SCARA5: variants seen among roughly 807,000 people sequenced by gnomAD.
The protein encoded by SCARA5 is scavenger receptor class A, member 5 (putative).
Under a neutral mutation model 46.3 loss-of-function variants are expected in SCARA5, and 45 were observed. That is an observed-to-expected ratio of 0.97 (90% CI 0.76 to 1.24). The LOEUF is 1.24. Among genes scored for constraint, SCARA5 ranks in the 50% most tolerant of loss-of-function variants. SCARA5 has a pLI of 0.00. For missense variants in SCARA5, 680 were observed against 689.0 expected, an observed-to-expected ratio of 0.99 and a Z score of 0.15; for synonymous variants, 333 against 306.5, an observed-to-expected ratio of 1.09 and a Z score of -0.90.
intron 2 of SCARA5, 143 bp downstream of exon 2, chr8:27,987,361 T>C (rs1808719475): frequency 1.5e-6 from 1 of 645,876 alleles, no homozygotes; most frequent in South Asian, 1.8e-5. Flanking sequence ...GAAGACCTTT[T>C]AAAGCATAAA....
intron 3 of SCARA5, among the ~76,000 whole-genome samples, chr8:27,948,266 C>T (rs2726951): frequency 0.23 from 33,768 of 149,370 alleles, 3,958 homozygotes; most frequent in Non-Finnish European, 0.26. Flanking sequence ...AGGGCGGTGA[C>T]TTAGGGGAGG....
At chr8:27,904,045 A>C (rs536924477) in intron 7 of SCARA5, among the ~76,000 whole-genome samples, 2 of 152,176 alleles carry the variant, frequency 1.3e-5, no homozygotes, top group Admixed American at 1.3e-4. Flanking sequence ...TCTAGGGGAA[A>C]AGTAAACCTT....
intron 3 of SCARA5, among the ~76,000 whole-genome samples, chr8:27,956,037 T>C (rs1370164594): frequency 6.6e-6 from 1 of 152,202 alleles, no homozygotes; most frequent in Non-Finnish European, 1.5e-5. Flanking sequence ...TTTGAGATGA[T>C]GTTTGTTAAA....
chr8:27,967,870 G>A (rs1014039020), intron 2 of SCARA5, among the ~76,000 whole-genome samples: 15 of 152,238 alleles, frequency 9.9e-5, no homozygotes, highest in African/African-American at 1.7e-4. Flanking sequence ...CTGAGATCAC[G>A]CCACTGCACT....
intron 7 of SCARA5, among the ~76,000 whole-genome samples, chr8:27,893,169 A>G (rs1340367915): frequency 6.6e-6 from 1 of 152,142 alleles, no homozygotes; most frequent in Non-Finnish European, 1.5e-5. Context: ...CCTGAATTGA[A>G]TGAGTCTCCT....
chr8:27,967,681 G>C (rs1016821461), intron 2 of SCARA5, among the ~76,000 whole-genome samples: 3 of 152,214 alleles, frequency 2.0e-5, no homozygotes, highest in African/African-American at 7.2e-5. Flanking sequence ...GGGAGGCCAA[G>C]GTGGGTGGAT....
chr8:27,886,953 G>C (rs952311408), intron 7 of SCARA5, among the ~76,000 whole-genome samples: 3 of 152,220 alleles, frequency 2.0e-5, no homozygotes, highest in African/African-American at 7.2e-5. Flanking sequence ...GGTCCCTGCA[G>C]GGGGAACGGG....
chr8:27,974,407 CT>C (rs1808492616), intron 2 of SCARA5, among the ~76,000 whole-genome samples: 1 of 152,034 alleles, frequency 6.6e-6, no homozygotes, highest in African/African-American at 2.4e-5. Context: ...CAAATTGGAT[CT>C]GATAAAAATG....
chr8:27,880,394 A>G (rs1379911169), intron 7 of SCARA5, among the ~76,000 whole-genome samples: 1 of 109,192 alleles, frequency 9.2e-6, no homozygotes, highest in Non-Finnish European at 1.8e-5. Context: ...CTGTACAGGA[A>G]AAAAAAAAAA....
At chr8:27,934,249 G>A (rs10104217) in intron 3 of SCARA5, among the ~76,000 whole-genome samples, 82,687 of 151,972 alleles carry the variant, frequency 0.54, 23,439 homozygotes, top group Middle Eastern at 0.72. Context: ...GCCTGCAGAA[G>A]AAAGGAAGGG....
intron 4 of SCARA5, among the ~76,000 whole-genome samples, chr8:27,915,664 C>A (rs891830496): frequency 6.6e-6 from 1 of 152,220 alleles, no homozygotes; most frequent in African/African-American, 2.4e-5. Context: ...AGCCCACAGA[C>A]AAATCTGCTT....
intron 3 of SCARA5, among the ~76,000 whole-genome samples, chr8:27,928,610 G>T (rs1807718081): frequency 6.6e-6 from 1 of 151,924 alleles, no homozygotes; most frequent in Non-Finnish European, 1.5e-5. Context: ...CTGCTGAAAG[G>T]GTGGACACGG....
At chr8:27,918,658 A>G (rs112429931) in intron 4 of SCARA5, among the ~76,000 whole-genome samples, 1 of 2,364 alleles carries the variant, frequency 4.2e-4, no homozygotes, top group East Asian at 0.017. Flanking sequence ...AGGAAAAGGA[A>G]GATGAGGAGG....
Position 27,965,683 on chromosome 8 carries a change from G to A in SCARA5, c.241+731C>T, listed in dbSNP as rs17058368. 9.7e-3 allele frequency among the ~76,000 whole-genome samples: 1,472 copies of A among 152,344 alleles called. 26 individuals are homozygous for A. Among genetic ancestry groups the A allele is most frequent in the African/African-American group, 0.033 (1,374 of 41,578 alleles). ...AAACTGATCTCTCAGCCTTACTTGC[G>A]TCCAGTCCTACCTACCTCCACTGAG... On this transcript the variant is annotated intron_variant, in intron 3 of 8. Coordinates refer to ENST00000354914, the MANE Select transcript of SCARA5 (RefSeq NM_173833.6).
At position 27,992,483 on chromosome 8, in the gene SCARA5, C is replaced by T. The variant is rs191164771; in HGVS notation, c.-242G>A. 9.8e-5 allele frequency: 15 copies of T among 152,536 alleles called. No individual in the cohort carries two copies. Among genetic ancestry groups the T allele is most frequent in the African/African-American group, 2.6e-4 (11 of 41,582 alleles). The allele number at this position is 152,536 out of a possible 1,614,324, so 9.4% of individuals were successfully genotyped here. The stretch of plus-strand genomic sequence containing the variant: ...GGCCACTTCTGCAGGAGGACCAGGT[C>T]AAGATGCAACCTGTGGCAGAGTGGG... On this transcript the variant is annotated 5_prime_UTR_variant, in exon 1 of 9. Coordinates refer to ENST00000354914, the MANE Select transcript of SCARA5 (RefSeq NM_173833.6).
At chr8:27,892,005 A>G (rs1039916063) in intron 7 of SCARA5, among the ~76,000 whole-genome samples, 5 of 152,232 alleles carry the variant, frequency 3.3e-5, no homozygotes, top group Non-Finnish European at 5.9e-5. Flanking sequence ...GCCCATGGGC[A>G]TTGCCTTCCA....
At chr8:27,944,440 C>CA (rs1808000423) in intron 3 of SCARA5, among the ~76,000 whole-genome samples, 1 of 152,058 alleles carries the variant, frequency 6.6e-6, no homozygotes, top group Non-Finnish European at 1.5e-5. Context: ...ATGGTAATAA[C>CA]AAACGTGGGG....
At chr8:27,894,548 C>T (rs994969261) in intron 7 of SCARA5, among the ~76,000 whole-genome samples, 6 of 152,172 alleles carry the variant, frequency 3.9e-5, no homozygotes, top group Non-Finnish European at 7.3e-5. Flanking sequence ...TTAAACAATT[C>T]GTAGGTGATT....
chr8:27,971,844 G>T (rs1808452129), intron 2 of SCARA5, among the ~76,000 whole-genome samples: 1 of 152,042 alleles, frequency 6.6e-6, no homozygotes, highest in Non-Finnish European at 1.5e-5. Context: ...CAGGTAGATG[G>T]TTTCTCCTCT....
Sources: gnomAD v4.1 joint callset for allele counts (sites outside exome capture counted in the v4.1 genomes callset) on GRCh38, gnomAD v4.1.1 for gene constraint, MANE v1.5 for transcripts, NCBI Gene and HGNC (gene_info 2026-07-23, HGNC 2026-07-21) for gene names.